The following GFPT1 variants were observed in gnomAD, a reference collection of about 807,000 sequenced individuals.
The protein encoded by GFPT1 is glutamine--fructose-6-phosphate transaminase 1, also known as glutamine--fructose-6-phosphate aminotransferase [isomerizing] 1.
A neutral mutation model predicts 92.0 loss-of-function variants in GFPT1; 40 were observed. The observed-to-expected ratio is 0.43, with a 90% CI of 0.34 to 0.57. GFPT1 has a LOEUF of 0.57. GFPT1 is among the 20% of genes least tolerant of loss of function. The probability of loss-of-function intolerance (pLI) is 0.02; values close to 1 mark genes in which losing one functional copy is unlikely to be tolerated. For synonymous variants in GFPT1, 269 were observed against 280.6 expected, an observed-to-expected ratio of 0.96 and a Z score of 0.41; for missense variants, 448 against 869.1, an observed-to-expected ratio of 0.52 and a Z score of 6.09.
At position 69,326,729 on chromosome 2, in the gene GFPT1, T is replaced by TC. The variant is rs61182680; in HGVS notation, c.2055+184dup. Among the ~76,000 whole-genome samples the TC allele has an allele frequency of 6.1e-3, 924 of 152,280 alleles. 11 individuals are homozygous for TC. Among genetic ancestry groups the TC allele is most frequent in the African/African-American group, 0.02 (827 of 41,556 alleles). ...CTTGGAGGTGAACCCCAAGGTTCCT[T>TC]CAAGTTCTATGGGTAAGAAGATGTT... On this transcript the variant is annotated intron_variant, in intron 19 of 19. Coordinates refer to ENST00000357308, the MANE Select transcript of GFPT1 (RefSeq NM_001244710.2).
chr2:69,370,640 GA>G (rs1223966563), intron 2 of GFPT1, among the ~76,000 whole-genome samples: 1 of 150,678 alleles, frequency 6.6e-6, no homozygotes, highest in East Asian at 2.0e-4. Context: ...GAGAGAAACG[GA>G]AGGAAGAAAC....
chr2:69,362,841 A>G (rs1297120853), intron 4 of GFPT1, among the ~76,000 whole-genome samples: 1 of 152,160 alleles, frequency 6.6e-6, no homozygotes, highest in African/African-American at 2.4e-5. Flanking sequence ...AAAACATATT[A>G]AAGTAACACG....
intron 1 of GFPT1, 123 bp downstream of exon 1, chr2:69,386,942 C>T: frequency 1.2e-6 from 1 of 805,546 alleles, no homozygotes; most frequent in Non-Finnish European, 2.1e-6. Context: ...GCGCCCCTTG[C>T]CCATCACCCA....
intron 1 of GFPT1, 117 bp downstream of exon 1, chr2:69,386,946 TCA>T (rs1672143237): frequency 8.6e-6 from 7 of 812,110 alleles, no homozygotes; most frequent in Non-Finnish European, 1.0e-5. Flanking sequence ...CCCTTGCCCA[TCA>T]CCCAGACTTC....
intron 6 of GFPT1, 121 bp downstream of exon 6, chr2:69,358,206 TTA>T: frequency 1.3e-6 from 1 of 750,604 alleles, no homozygotes; most frequent in Non-Finnish European, 2.3e-6. Context: ...ACTTGAATAG[TTA>T]TATGAGAAAT....
chr2:69,328,667 A>G (rs891795981), intron 17 of GFPT1, among the ~76,000 whole-genome samples: 5 of 150,046 alleles, frequency 3.3e-5, no homozygotes, highest in African/African-American at 4.9e-5. Flanking sequence ...AAGATTTTAG[A>G]TTATCACAAA....
intron 1 of GFPT1, among the ~76,000 whole-genome samples, chr2:69,380,601 A>AG (rs1284629576): frequency 6.6e-6 from 1 of 152,090 alleles, no homozygotes; most frequent in Non-Finnish European, 1.5e-5. Flanking sequence ...ATCTTTCTTG[A>AG]GAAAAAAAAG....
intron 1 of GFPT1, among the ~76,000 whole-genome samples, chr2:69,376,197 C>T (rs775993288): frequency 6.6e-6 from 1 of 152,202 alleles, no homozygotes; most frequent in African/African-American, 2.4e-5. Flanking sequence ...GCACACAAAT[C>T]TTTTCTAAAA....
Position 69,337,992 on chromosome 2 carries a change from C to T in GFPT1, c.1388G>A (p.Gly463Glu). ...YCKERGALTV[G>E]ITNTVGSSIS... ...GGAACTGCCAACTGTGTTTGTGATC[C>T]CCACAGTTAAAGCTCCTCTCTCCTT... Residue 463 changes from glycine (G) to glutamate (E), a missense_variant, in exon 15 of 20, where the codon GGG (glycine) becomes GAG (glutamate). Coordinates refer to ENST00000357308, the MANE Select transcript of GFPT1 (RefSeq NM_001244710.2). 6.2e-7 allele frequency: 1 copy of T among 1,612,704 alleles called. No individual in the cohort carries two copies. Among genetic ancestry groups the T allele is most frequent in the Non-Finnish European group, 8.5e-7 (1 of 1,178,746 alleles).
chr2:69,357,768 T>C (rs936222402), intron 6 of GFPT1, among the ~76,000 whole-genome samples: 2 of 152,198 alleles, frequency 1.3e-5, no homozygotes, highest in Non-Finnish European at 2.9e-5. Flanking sequence ...ATTAGGAATG[T>C]TGGATGGAAT....
At position 69,344,700 on chromosome 2, in the gene GFPT1, G is replaced by A. The variant is rs146459728; in HGVS notation, c.1105+1204C>T. On this transcript the variant is annotated intron_variant, in intron 12 of 19. Transcript: ENST00000357308. ...GGTCTTTCAACCAGGCTGCAGTGCAGTGGTGGAGTCAGAGCTCACTGCAGC... is the reference window on the plus strand; with the variant it reads ...GGTCTTTCAACCAGGCTGCAGTGCAATGGTGGAGTCAGAGCTCACTGCAGC... Among the ~76,000 whole-genome samples, 531 of 151,254 alleles carry A rather than the reference G, an allele frequency of 3.5e-3. 3 individuals are homozygous for A. The highest frequency in any genetic ancestry group is 0.012 in the African/African-American group (513 of 41,152).
chr2:69,360,442 A>ATTTT (rs199904047), intron 4 of GFPT1, among the ~76,000 whole-genome samples: 1 of 144,260 alleles, frequency 6.9e-6, no homozygotes, highest in African/African-American at 2.6e-5. Flanking sequence ...TTATCAAAAT[A>ATTTT]TTTTTTTTTT....
intron 9 of GFPT1, among the ~76,000 whole-genome samples, chr2:69,350,529 TACAAA>T (rs1051069308): frequency 3.9e-5 from 6 of 152,228 alleles, no homozygotes; most frequent in African/African-American, 1.4e-4. Context: ...TTTAACTTTA[TACAAA>T]ACAATGATCT....
chr2:69,336,148 G>T (rs1339973356), intron 15 of GFPT1, among the ~76,000 whole-genome samples: 1 of 151,842 alleles, frequency 6.6e-6, no homozygotes, highest in Non-Finnish European at 1.5e-5. Context: ...AGACAAGCCT[G>T]GCCAACATGG....
chr2:69,337,320 C>T (rs1670825784), intron 15 of GFPT1, among the ~76,000 whole-genome samples: 1 of 152,132 alleles, frequency 6.6e-6, no homozygotes. Context: ...CCGCCTCAGC[C>T]TCCCAAAGTG....
intron 1 of GFPT1, among the ~76,000 whole-genome samples, chr2:69,385,333 C>T (rs375802244): frequency 1.3e-5 from 2 of 152,218 alleles, no homozygotes; most frequent in African/African-American, 4.8e-5. Context: ...TCAAGCAATT[C>T]TCCTGCCTCA....
intron 1 of GFPT1, among the ~76,000 whole-genome samples, chr2:69,384,713 G>GAAAAAAGAAAGAA (rs1558790722): frequency 1.4e-5 from 1 of 69,468 alleles, no homozygotes; most frequent in East Asian, 3.2e-4. Context: ...AAAAAAAAAA[G>GAAAAAAGAAAGAA]AAAAAAGAAA....
At chr2:69,353,901 T>C (rs1431921762) in intron 9 of GFPT1, among the ~76,000 whole-genome samples, 1 of 152,244 alleles carries the variant, frequency 6.6e-6, no homozygotes, top group African/African-American at 2.4e-5. Context: ...TTAGCCTAAA[T>C]GATTCAAATA....
intron 1 of GFPT1, among the ~76,000 whole-genome samples, chr2:69,376,980 G>A (rs895480167): frequency 1.2e-4 from 18 of 151,914 alleles, no homozygotes; most frequent in African/African-American, 3.1e-4. Flanking sequence ...AGGCCAAGGC[G>A]AGTGGATCAC....
Sources: allele counts gnomAD v4.1 joint callset (sites outside exome capture counted in the v4.1 genomes callset), GRCh38; gene constraint gnomAD v4.1.1; transcripts MANE v1.5; gene names NCBI Gene and HGNC (gene_info 2026-07-23, HGNC 2026-07-21).